ALDH1A2: variants seen among roughly 807,000 people sequenced by gnomAD.
The protein encoded by ALDH1A2 is retinal dehydrogenase 2.
A neutral mutation model predicts 60.3 loss-of-function variants in ALDH1A2; 27 were observed. That is an observed-to-expected ratio of 0.45 (90% CI 0.33 to 0.62). ALDH1A2 has a LOEUF of 0.62. Ranked by LOEUF, ALDH1A2 falls within the 20% of genes least tolerant of loss-of-function variation. The pLI, the probability that ALDH1A2 is intolerant of heterozygous loss-of-function variation, is 0.02. For missense variants in ALDH1A2, 581 were observed against 643.8 expected (o/e 0.90, Z 1.06); for synonymous variants, 289 against 232.4 (o/e 1.24, Z -2.21).
intron 7 of ALDH1A2, among the ~76,000 whole-genome samples, chr15:57,968,479 T>C (rs1364175965): frequency 6.6e-6 from 1 of 152,232 alleles, no homozygotes; most frequent in Non-Finnish European, 1.5e-5. Flanking sequence ...CCCAGCATTC[T>C]GTCATTTTTC....
intron 10 of ALDH1A2, 86 bp downstream of exon 10, chr15:57,961,918 ATAAAGAGC>A: frequency 6.7e-7 from 1 of 1,503,614 alleles, no homozygotes; most frequent in Non-Finnish European, 9.2e-7. Flanking sequence ...TATGTAAAAT[ATAAAGAGC>A]TAAAACTCTA....
Position 58,005,654 on chromosome 15 carries a change from A to C in ALDH1A2, c.493+4995T>G, listed in dbSNP as rs539213138. On this transcript the variant is annotated intron_variant, in intron 4 of 12. Coordinates refer to ENST00000249750, the MANE Select transcript of ALDH1A2 (RefSeq NM_003888.4). ...TTAGAGATGTTATGCTGGATGAACC[A>C]TGGAGTATAATTCAATGTTGTAAAG... 8.5e-5 allele frequency among the ~76,000 whole-genome samples: 13 copies of C among 152,058 alleles called. No individual in the cohort carries two copies. In the East Asian group the frequency reaches 1.4e-3, roughly 16 times the overall value.
chr15:58,024,610 G>C (rs1027486525), intron 1 of ALDH1A2, among the ~76,000 whole-genome samples: 1 of 151,986 alleles, frequency 6.6e-6, no homozygotes, highest in African/African-American at 2.4e-5. Context: ...TACAATAGTG[G>C]GGGACTTCAA....
At chr15:58,026,181 A>G (rs1009403360) in intron 1 of ALDH1A2, among the ~76,000 whole-genome samples, 4 of 152,224 alleles carry the variant, frequency 2.6e-5, no homozygotes, top group Admixed American at 2.6e-4. Context: ...AATCTTCAAC[A>G]AAATACTAAC....
chr15:57,969,201 T>C, intron 7 of ALDH1A2, among the ~76,000 whole-genome samples: 1 of 152,238 alleles, frequency 6.6e-6, no homozygotes, highest in East Asian at 1.9e-4. Flanking sequence ...ATAGTTCTCC[T>C]ACTATGTGCC....
intron 1 of ALDH1A2, among the ~76,000 whole-genome samples, chr15:58,028,761 T>A (rs1279234301): frequency 6.6e-6 from 1 of 152,068 alleles, no homozygotes; most frequent in Non-Finnish European, 1.5e-5. Context: ...CCCAGTCTGA[T>A]GAAACAGACT....
chr15:57,994,351 A>G (rs554488745), intron 5 of ALDH1A2, among the ~76,000 whole-genome samples: 3 of 152,326 alleles, frequency 2.0e-5, no homozygotes, highest in East Asian at 3.9e-4. Context: ...ATCTTGAGTT[A>G]TACTACTGTA....
chr15:58,031,369 A>G (rs1329814728), intron 1 of ALDH1A2, among the ~76,000 whole-genome samples: 1 of 152,212 alleles, frequency 6.6e-6, no homozygotes, highest in Non-Finnish European at 1.5e-5. Flanking sequence ...TTAACTCAAG[A>G]TGGATTAAAG....
chr15:58,029,460 C>T (rs1249245834), intron 1 of ALDH1A2, among the ~76,000 whole-genome samples: 1 of 151,964 alleles, frequency 6.6e-6, no homozygotes, highest in Admixed American at 6.6e-5. Context: ...CTAAACTCAA[C>T]CCCCTAACAT....
intron 7 of ALDH1A2, among the ~76,000 whole-genome samples, chr15:57,987,828 T>C (rs1242584245): frequency 2.1e-5 from 3 of 144,566 alleles, no homozygotes; most frequent in African/African-American, 7.8e-5. Context: ...GAGCTTGCAG[T>C]GAGCCTGAGC....
chr15:58,051,719 G>A (rs757652259), intron 1 of ALDH1A2, among the ~76,000 whole-genome samples: 15 of 152,066 alleles, frequency 9.9e-5, no homozygotes, highest in East Asian at 1.9e-4. Flanking sequence ...ACCTTCCTAC[G>A]TTTGATCTCT....
At chr15:58,048,849 T>C (rs900971545) in intron 1 of ALDH1A2, among the ~76,000 whole-genome samples, 1 of 152,054 alleles carries the variant, frequency 6.6e-6, no homozygotes, top group Non-Finnish European at 1.5e-5. Context: ...GGTATAATAA[T>C]AAGCTGTATG....
intron 7 of ALDH1A2, among the ~76,000 whole-genome samples, chr15:57,985,248 T>G (rs1198202499): frequency 1.3e-5 from 2 of 152,214 alleles, no homozygotes; most frequent in African/African-American, 4.8e-5. Context: ...TGTGTTCTCC[T>G]GCTTCGAGTT....
At chr15:58,058,277 G>A (rs1441907693) in intron 1 of ALDH1A2, among the ~76,000 whole-genome samples, 1 of 151,916 alleles carries the variant, frequency 6.6e-6, no homozygotes, top group African/African-American at 2.4e-5. Context: ...TGACAGGTGG[G>A]GAAAAGGGGA....
rs568621199 is a variant in ALDH1A2, at chr15:57,978,891, C to G, written c.799-13064G>C. Reference sequence around the variant, plus strand: ...GTCTCTACTAAAAATACAAAAGTAGCCAAGCATGGTGGCACATGTCTGTAA... The same window carrying G: ...GTCTCTACTAAAAATACAAAAGTAGGCAAGCATGGTGGCACATGTCTGTAA... On this transcript the variant is annotated intron_variant, in intron 7 of 12. Transcript: ENST00000249750. Among the ~76,000 whole-genome samples, 5 of 152,216 alleles carry G rather than the reference C, an allele frequency of 3.3e-5. No individual in the cohort carries two copies. The South Asian group carries it at 8.3e-4, about 25-fold the overall frequency.
intron 4 of ALDH1A2, among the ~76,000 whole-genome samples, chr15:58,003,882 G>A (rs1895359097): frequency 6.6e-6 from 1 of 151,864 alleles, no homozygotes; most frequent in Non-Finnish European, 1.5e-5. Flanking sequence ...ATCGTAAAAG[G>A]GTCAAAGCTT....
chr15:58,028,874 A>T (rs978459254), intron 1 of ALDH1A2, among the ~76,000 whole-genome samples: 16 of 152,196 alleles, frequency 1.1e-4, no homozygotes, highest in African/African-American at 3.9e-4. Flanking sequence ...TATGCACCCA[A>T]TACAGGAGCA....
chr15:58,018,009 T>C (rs1292671355), intron 1 of ALDH1A2, among the ~76,000 whole-genome samples: 2 of 152,178 alleles, frequency 1.3e-5, no homozygotes, highest in East Asian at 1.9e-4. Flanking sequence ...TGGTCAGTAC[T>C]TGAATGTTTG....
At chr15:58,020,077 T>C (rs911754811) in intron 1 of ALDH1A2, among the ~76,000 whole-genome samples, 13 of 147,692 alleles carry the variant, frequency 8.8e-5, no homozygotes, top group Non-Finnish European at 1.6e-4. Context: ...GAACATGTGG[T>C]GTTTGGTTTT....
Sources: allele counts gnomAD v4.1 joint callset (sites outside exome capture counted in the v4.1 genomes callset), GRCh38; gene constraint gnomAD v4.1.1; transcripts MANE v1.5; gene names NCBI Gene and HGNC (gene_info 2026-07-23, HGNC 2026-07-21).